Variants in CHRNB3 observed in about 807,000 individuals in gnomAD.
The protein encoded by CHRNB3 is neuronal acetylcholine receptor subunit beta-3.
A neutral mutation model predicts 40.6 loss-of-function variants in CHRNB3; 37 were observed. The ratio of observed to expected loss-of-function variants is 0.91; its 90% CI spans 0.70 to 1.20. The LOEUF is 1.20. CHRNB3 is among the 50% of genes most tolerant of loss of function. The pLI, the probability that CHRNB3 is intolerant of heterozygous loss-of-function variation, is 0.00. For synonymous variants in CHRNB3, 207 were observed against 207.1 expected, an observed-to-expected ratio of 1.00 and a Z score of 0.00; for missense variants, 505 against 551.2, an observed-to-expected ratio of 0.92 and a Z score of 0.84.
intron 3 of CHRNB3, chr8:42,726,278 C>T: frequency 1.6e-6 from 1 of 628,600 alleles, no homozygotes; most frequent in African/African-American, 1.8e-5. Flanking sequence ...CAAGGAAAAG[C>T]AGTCAAAGTT....
intron 3 of CHRNB3, among the ~76,000 whole-genome samples, chr8:42,720,633 T>C (rs1392423489): frequency 1.3e-5 from 2 of 152,160 alleles, no homozygotes; most frequent in African/African-American, 2.4e-5. Context: ...ATGCCTTGCA[T>C]ATTTGATGAA....
At position 42,733,815 on chromosome 8, in the gene CHRNB3, C is replaced by G. The variant is rs530940559; in HGVS notation, c.1242+1266C>G. ...TTTGCCATGTTGGCCAGAATGGTCT[C>G]GAACTCCTGACCTCGGGTGATCCAC... On this transcript the variant is annotated intron_variant, in intron 5 of 5. Transcript: ENST00000289957. Among the ~76,000 whole-genome samples, 90 of 151,242 alleles carry G rather than the reference C, an allele frequency of 6.0e-4. No homozygotes were observed. The South Asian group carries it at 0.018, about 31-fold the overall frequency.
chr8:42,736,928 G>C lies in CHRNB3; in HGVS notation c.*310G>C. The C allele has an allele frequency of 3.7e-6, 1 of 273,398 alleles. No individual in the cohort carries two copies. Among genetic ancestry groups the C allele is most frequent in the Non-Finnish European group, 6.8e-6 (1 of 146,714 alleles). 16.9% of individuals were successfully genotyped at this position (273,398 alleles called of 1,614,324 possible). On this transcript the variant is annotated 3_prime_UTR_variant, in exon 6 of 6. Coordinates refer to ENST00000289957, the MANE Select transcript of CHRNB3 (RefSeq NM_000749.5). ...AGTGCACAAAAAGCTGTTGCTACTT[G>C]GTGGAGGAACACCTCCTAGAAGCAG...
chr8:42,713,374 G>A (rs1378706908), intron 3 of CHRNB3, among the ~76,000 whole-genome samples: 1 of 151,936 alleles, frequency 6.6e-6, no homozygotes, highest in African/African-American at 2.4e-5. Flanking sequence ...AAGACTGGTG[G>A]GTGTCTTCAA....
intron 3 of CHRNB3, among the ~76,000 whole-genome samples, chr8:42,723,204 A>T (rs76593707): frequency 0.032 from 4,868 of 152,132 alleles, 123 homozygotes; most frequent in Middle Eastern, 0.11. Flanking sequence ...AAGATATCGT[A>T]TTACTTAGAT....
intron 1 of CHRNB3, chr8:42,705,482 G>A (rs1815906779): frequency 6.6e-6 from 1 of 152,208 alleles, no homozygotes; most frequent in Admixed American, 6.5e-5. Flanking sequence ...TCATGGGAGG[G>A]GTTGGCACCC....
chr8:42,700,812 A>C (rs1374468952), intron 1 of CHRNB3, among the ~76,000 whole-genome samples: 3 of 152,148 alleles, frequency 2.0e-5, no homozygotes, highest in Admixed American at 6.5e-5. Context: ...GAAAAGTTTT[A>C]TCTGTTAAGT....
intron 3 of CHRNB3, among the ~76,000 whole-genome samples, chr8:42,726,892 G>A (rs866303767): frequency 2.0e-5 from 3 of 152,046 alleles, no homozygotes; most frequent in Non-Finnish European, 4.4e-5. Flanking sequence ...CTAAGTAAAT[G>A]GAGACATAAA....
chr8:42,718,510 A>C (rs1387022329), intron 3 of CHRNB3, among the ~76,000 whole-genome samples: 3 of 151,826 alleles, frequency 2.0e-5, no homozygotes, highest in Non-Finnish European at 4.4e-5. Flanking sequence ...CATTTCTACT[A>C]AAAATACAAA....
intron 1 of CHRNB3, among the ~76,000 whole-genome samples, chr8:42,699,912 C>T (rs1586388931): frequency 7.6e-6 from 1 of 131,452 alleles, no homozygotes; most frequent in South Asian, 2.3e-4. Flanking sequence ...GACGAGGCGG[C>T]AATAGTGGAA....
At chr8:42,724,706 C>T (rs1156836567) in intron 3 of CHRNB3, among the ~76,000 whole-genome samples, 26 of 152,182 alleles carry the variant, frequency 1.7e-4, no homozygotes, top group Admixed American at 9.2e-4. Flanking sequence ...TGGCCGGGCG[C>T]GGTGGCTCAC....
chr8:42,719,008 C>T (rs74931311), intron 3 of CHRNB3, among the ~76,000 whole-genome samples: 8,699 of 152,080 alleles, frequency 0.057, 323 homozygotes, highest in Middle Eastern at 0.1. Context: ...GCTCTCAAGT[C>T]GGGAACTGCT....
chr8:42,722,163 C>T (rs1047121090), intron 3 of CHRNB3, among the ~76,000 whole-genome samples: 1 of 151,984 alleles, frequency 6.6e-6, no homozygotes, highest in Admixed American at 6.6e-5. Flanking sequence ...CACTTGAGGT[C>T]AGGAATTCGA....
intron 1 of CHRNB3, among the ~76,000 whole-genome samples, chr8:42,699,690 G>A (rs1172606281): frequency 1.3e-5 from 2 of 150,040 alleles, no homozygotes; most frequent in African/African-American, 4.9e-5. Flanking sequence ...GCTTGAACCT[G>A]GGAGGCAGAG....
rs547960744 is a variant in CHRNB3, at chr8:42,725,765, C to T, written c.250-4829C>T. ...GTCTTATTCGTGACCTTGACTTGTC[C>T]ACGTTTCAAAATGAGTTCCCAGACA... On this transcript the variant is annotated intron_variant, in intron 3 of 5. Transcript: ENST00000289957. 72 of 918,350 alleles carry T rather than the reference C, an allele frequency of 7.8e-5. No homozygotes were observed. In the South Asian group the frequency reaches 8.4e-4, roughly 11 times the overall value. 56.9% of individuals were successfully genotyped at this position (918,350 alleles called of 1,614,324 possible). A position where few individuals can be genotyped will look rare whatever the true frequency, so the allele number is the denominator to read the frequency against.
rs189545656 is a variant in CHRNB3 at position 42,728,704 on chromosome 8, G to A, written c.250-1890G>A. Among the ~76,000 whole-genome samples the A allele has an allele frequency of 5.5e-4, 83 of 152,170 alleles. No homozygotes were observed. The Middle Eastern group carries it at 0.01, about 19-fold the overall frequency. On this transcript the variant is annotated intron_variant, in intron 3 of 5. Coordinates refer to ENST00000289957, the MANE Select transcript of CHRNB3 (RefSeq NM_000749.5). ...TTCCAAGGGCTGGAAATGCAGGAGG[G>A]GTTGATTACAAAAGGGCAGCACCTG...
intron 1 of CHRNB3, among the ~76,000 whole-genome samples, chr8:42,703,966 G>T (rs903383122): frequency 6.6e-6 from 1 of 152,192 alleles, no homozygotes; most frequent in African/African-American, 2.4e-5. Flanking sequence ...GAAGATATTA[G>T]GCAGAAATCA....
chr8:42,719,924 G>C (rs983391487), intron 3 of CHRNB3, among the ~76,000 whole-genome samples: 1 of 151,898 alleles, frequency 6.6e-6, no homozygotes, highest in African/African-American at 2.4e-5. Flanking sequence ...GTCCCACCTA[G>C]CCTCTTTTTC....
At chr8:42,698,199 T>C (rs531376149) in intron 1 of CHRNB3, among the ~76,000 whole-genome samples, 1 of 152,114 alleles carries the variant, frequency 6.6e-6, no homozygotes, top group East Asian at 1.9e-4. Context: ...AAGTGAAAGA[T>C]AGAGACAGAG....
Sources: allele counts gnomAD v4.1 joint callset (sites outside exome capture counted in the v4.1 genomes callset), GRCh38; gene constraint gnomAD v4.1.1; transcripts MANE v1.5; gene names NCBI Gene and HGNC (gene_info 2026-07-23, HGNC 2026-07-21).